VPS13D: variants seen among roughly 807,000 people sequenced by gnomAD.
The protein encoded by VPS13D is vacuolar protein sorting 13 homolog D, also known as intermembrane lipid transfer protein VPS13D.
A neutral mutation model predicts 461.9 loss-of-function variants in VPS13D; 187 were observed. The ratio of observed to expected loss-of-function variants is 0.40; its 90% CI spans 0.36 to 0.46. The LOEUF is 0.46. Ranked by LOEUF, VPS13D falls within the 20% of genes least tolerant of loss-of-function variation. The probability of loss-of-function intolerance (pLI) is 0.60; values close to 1 mark genes in which losing one functional copy is unlikely to be tolerated. For synonymous variants in VPS13D, 1,951 were observed against 1,986.3 expected (o/e 0.98, Z 0.47); for missense variants, 4,711 against 5,364.9 (o/e 0.88, Z 3.81).
chr1:12,304,843 T>C, intron 26 of VPS13D, 115 bp downstream of exon 26: 1 of 1,018,324 alleles, frequency 9.8e-7, no homozygotes, highest in Non-Finnish European at 1.4e-6. Context: ...GAGATAGCAT[T>C]TCTTTAACGA....
intron 24 of VPS13D, among the ~76,000 whole-genome samples, chr1:12,298,993 A>C (rs1316692464): frequency 6.6e-6 from 1 of 152,104 alleles, no homozygotes; most frequent in Non-Finnish European, 1.5e-5. Context: ...GGTTATTTAG[A>C]AGTGTGTAGT....
At chr1:12,475,905 AAAAC>A (rs1198554033) in intron 67 of VPS13D, among the ~76,000 whole-genome samples, 1 of 152,218 alleles carries the variant, frequency 6.6e-6, no homozygotes, top group African/African-American at 2.4e-5. Flanking sequence ...AAAAAAACAA[AAAAC>A]AAAAAAACAC....
intron 35 of VPS13D, among the ~76,000 whole-genome samples, chr1:12,324,062 C>G (rs1257170029): frequency 6.6e-6 from 1 of 152,144 alleles, no homozygotes; most frequent in Non-Finnish European, 1.5e-5. Flanking sequence ...GCATGCGTCA[C>G]CACACCTAGG....
chr1:12,265,491 G>A (rs912625137), intron 13 of VPS13D, among the ~76,000 whole-genome samples: 2 of 152,144 alleles, frequency 1.3e-5, no homozygotes, highest in Non-Finnish European at 2.9e-5. Context: ...GCCATAAATA[G>A]TGATTCCTCT....
intron 52 of VPS13D, among the ~76,000 whole-genome samples, chr1:12,363,583 C>A (rs552551112): frequency 5.3e-5 from 8 of 152,252 alleles, no homozygotes; most frequent in African/African-American, 1.9e-4. Context: ...TTATACAAAA[C>A]CTTCTTTCAT....
At chr1:12,381,922 T>TTTTCTTTTC (rs71570104) in intron 57 of VPS13D, among the ~76,000 whole-genome samples, 10,666 of 100,736 alleles carry the variant, frequency 0.11, 864 homozygotes, top group Non-Finnish European at 0.15. Context: ...CTTTCTTTTC[T>TTTTCTTTTC]TTTCTTTCTT....
At chr1:12,407,556 A>G (rs1298375561) in intron 63 of VPS13D, among the ~76,000 whole-genome samples, 3 of 152,208 alleles carry the variant, frequency 2.0e-5, no homozygotes, top group Non-Finnish European at 4.4e-5. Context: ...TTTAGTTACT[A>G]CAAGAATAAG....
chr1:12,461,992 C>T (rs1041528751), intron 67 of VPS13D, among the ~76,000 whole-genome samples: 12 of 152,130 alleles, frequency 7.9e-5, no homozygotes, highest in Non-Finnish European at 1.5e-4. Context: ...AACATTGCCA[C>T]AGAAGTTTGA....
intron 55 of VPS13D, among the ~76,000 whole-genome samples, chr1:12,376,496 G>A (rs764270335): frequency 7.9e-5 from 12 of 152,256 alleles, no homozygotes; most frequent in Admixed American, 6.5e-5. Context: ...ACTAATAAGC[G>A]TGTTACATTT....
At chr1:12,318,421 C>T (rs1642946632) in intron 31 of VPS13D, 84 bp downstream of exon 31, 7 of 1,504,478 alleles carry the variant, frequency 4.7e-6, no homozygotes, top group Non-Finnish European at 6.3e-6. Flanking sequence ...TGCTCTTTTG[C>T]CTCCCATTTT....
chr1:12,400,660 A>G (rs1644562885), intron 61 of VPS13D, among the ~76,000 whole-genome samples: 1 of 152,170 alleles, frequency 6.6e-6, no homozygotes, highest in African/African-American at 2.4e-5. Context: ...TATTAAAAAT[A>G]GAATAACCCC....
At position 12,291,017 on chromosome 1, in the gene VPS13D, G is replaced by A; in HGVS notation, c.5745G>A (p.Gln1915=). The A allele has an allele frequency of 1.9e-6, 3 of 1,613,066 alleles. No individual in the cohort carries two copies. The highest frequency in any genetic ancestry group is 2.5e-6 in the Non-Finnish European group (3 of 1,179,728). Residue 1915 remains glutamine (Q), a synonymous_variant, in exon 23 of 70, where the codon CAG becomes CAA. Coordinates refer to ENST00000620676, the MANE Select transcript of VPS13D (RefSeq NM_015378.4). ...CCCTAGAGGGAGACCTGGCCTTACA[G>A]GGCAGCATTGGGAGTCTGTCTCTAA... The part of the protein sequence containing the change: ...LEMIEGDLAL[Q]GSIGSLSLSD...
intron 68 of VPS13D, among the ~76,000 whole-genome samples, chr1:12,501,192 CAGAG>C (rs1308612735): frequency 1.3e-5 from 2 of 152,026 alleles, no homozygotes; most frequent in East Asian, 1.9e-4. Flanking sequence ...AGAAATTTCA[CAGAG>C]AGAGAGCAAT....
chr1:12,422,406 A>G (rs1006665280), intron 65 of VPS13D, among the ~76,000 whole-genome samples: 25 of 152,230 alleles, frequency 1.6e-4, no homozygotes, highest in Non-Finnish European at 2.6e-4. Flanking sequence ...TACCAGGCCC[A>G]AATTTCCCAG....
intron 12 of VPS13D, 22 bp downstream of exon 12, chr1:12,261,171 A>C (rs372721771): frequency 1.9e-6 from 3 of 1,611,942 alleles, no homozygotes; most frequent in Admixed American, 3.3e-5. Context: ...GCTGGCCTTC[A>C]CTTGATTCAA....
chr1:12,329,981 T>A, intron 37 of VPS13D, 63 bp downstream of exon 37: 5 of 1,405,124 alleles, frequency 3.6e-6, no homozygotes, highest in Non-Finnish European at 4.9e-6. Context: ...TGCCTGGACC[T>A]ATTGCTACGT....
At chr1:12,296,620 T>C (rs959271567) in intron 24 of VPS13D, among the ~76,000 whole-genome samples, 2 of 152,242 alleles carry the variant, frequency 1.3e-5, no homozygotes, top group African/African-American at 2.4e-5. Context: ...TTCATTCTTA[T>C]GACTAATGCT....
chr1:12,503,351 T>C (rs1646059716), intron 68 of VPS13D, among the ~76,000 whole-genome samples: 1 of 151,514 alleles, frequency 6.6e-6, no homozygotes, highest in Non-Finnish European at 1.5e-5. Context: ...TTCTTCTTCT[T>C]CTTTTTTTTT....
Position 12,401,684 on chromosome 1 carries a change from G to C in VPS13D, c.11861G>C (p.Gly3954Ala). 1 of 1,613,188 alleles carries C rather than the reference G, an allele frequency of 6.2e-7. No homozygotes were observed. Among genetic ancestry groups the C allele is most frequent in the East Asian group, 2.2e-5 (1 of 44,844 alleles). Residue 3954 changes from glycine to alanine, a missense_variant, in exon 62 of 70, where the codon GGC (glycine) becomes GCC (alanine). Gly to Ala is a moderately conservative substitution (Grantham distance 60, BLOSUM62 0). Transcript: ENST00000620676. ...CTCCTCAAGCTGCTAAGTTTCTTTG[G>C]CTACGATCAAGCAGAATCAGGTAAT... is the stretch of plus-strand genomic sequence containing the variant. ...KLLLKLLSFF[G>A]YDQAESEVEK...
Sources: allele counts gnomAD v4.1 joint callset (sites outside exome capture counted in the v4.1 genomes callset), GRCh38; gene constraint gnomAD v4.1.1; transcripts MANE v1.5; gene names NCBI Gene and HGNC (gene_info 2026-07-23, HGNC 2026-07-21).